The following NBEA variants were observed in gnomAD, a reference collection of about 807,000 sequenced individuals.
NBEA encodes neurobeachin.
A neutral mutation model predicts 343.4 loss-of-function variants in NBEA; 44 were observed. That is an observed-to-expected ratio of 0.13 (90% CI 0.10 to 0.16). NBEA has a LOEUF of 0.16. NBEA is among the 10% of genes least tolerant of loss of function. NBEA has a pLI of 1.00. For missense variants in NBEA, 2,555 were observed against 3,631.3 expected, an observed-to-expected ratio of 0.70 and a Z score of 7.62; for synonymous variants, 1,175 against 1,238.7, an observed-to-expected ratio of 0.95 and a Z score of 1.08.
intron 41 of NBEA, among the ~76,000 whole-genome samples, chr13:35,487,068 C>T (rs924033306): frequency 2.6e-5 from 4 of 151,778 alleles, no homozygotes; most frequent in Non-Finnish European, 5.9e-5. Context: ...GTGAGCTATA[C>T]CACCCACAAT....
chr13:35,093,808 T>G (rs1044720009), intron 10 of NBEA, among the ~76,000 whole-genome samples: 1 of 151,964 alleles, frequency 6.6e-6, no homozygotes, highest in African/African-American at 2.4e-5. Context: ...CTACAACATT[T>G]AGTGCACTGT....
chr13:35,410,755 A>G (rs1008164086), intron 38 of NBEA, among the ~76,000 whole-genome samples: 11 of 152,162 alleles, frequency 7.2e-5, no homozygotes, highest in Non-Finnish European at 1.6e-4. Flanking sequence ...TTTTAAGATT[A>G]GGAAACAAAA....
intron 41 of NBEA, among the ~76,000 whole-genome samples, chr13:35,484,234 A>ATGTG (rs397851790): frequency 0.016 from 2,049 of 124,772 alleles, 17 homozygotes; most frequent in East Asian, 0.045. Context: ...CTACATTAAT[A>ATGTG]TGTGTGTGTG....
intron 39 of NBEA, among the ~76,000 whole-genome samples, chr13:35,449,413 T>C (rs973922510): frequency 6.6e-6 from 1 of 152,156 alleles, no homozygotes; most frequent in African/African-American, 2.4e-5. Context: ...TCTGCTAAAG[T>C]ACATGGTTGG....
intron 41 of NBEA, among the ~76,000 whole-genome samples, chr13:35,499,457 A>T (rs1446223956): frequency 6.6e-6 from 1 of 152,012 alleles, no homozygotes; most frequent in Non-Finnish European, 1.5e-5. Flanking sequence ...TCTCTTGATC[A>T]TGTTCAGCTG....
At chr13:35,347,683 C>T (rs989802580) in intron 36 of NBEA, among the ~76,000 whole-genome samples, 1 of 151,978 alleles carries the variant, frequency 6.6e-6, no homozygotes, top group African/African-American at 2.4e-5. Context: ...CTTCCTCCTC[C>T]TCCTCTTCCT....
intron 38 of NBEA, among the ~76,000 whole-genome samples, chr13:35,362,393 C>G (rs1408110425): frequency 6.6e-6 from 1 of 151,704 alleles, no homozygotes; most frequent in Admixed American, 6.6e-5. Context: ...ATTAAATTTA[C>G]CATTCTCTAA....
chr13:35,483,929 A>C (rs4943304), intron 41 of NBEA, among the ~76,000 whole-genome samples: 7,439 of 151,966 alleles, frequency 0.049, 433 homozygotes, highest in East Asian at 0.2. Flanking sequence ...GCCTCTATAC[A>C]TTTTCCGTAT....
At chr13:35,274,300 A>T (rs1329527553) in intron 34 of NBEA, among the ~76,000 whole-genome samples, 1 of 152,230 alleles carries the variant, frequency 6.6e-6, no homozygotes, top group African/African-American at 2.4e-5. Context: ...AAGGCCGTTA[A>T]CAAAATTCAA....
chr13:35,252,103 T>C (rs2032046738), intron 34 of NBEA, among the ~76,000 whole-genome samples: 1 of 152,106 alleles, frequency 6.6e-6, no homozygotes, highest in African/African-American at 2.4e-5. Context: ...GACTGGGTAG[T>C]TCATAAAGGA....
intron 33 of NBEA, among the ~76,000 whole-genome samples, chr13:35,227,437 C>T (rs535515768): frequency 6.6e-6 from 1 of 151,926 alleles, no homozygotes; most frequent in South Asian, 2.1e-4. Flanking sequence ...CTGTGTTTAC[C>T]TAAACCCAAT....
intron 48 of NBEA, among the ~76,000 whole-genome samples, chr13:35,616,221 G>C (rs531071193): frequency 1.3e-5 from 2 of 152,146 alleles, no homozygotes; most frequent in East Asian, 3.9e-4. Flanking sequence ...GTGTCCCCTT[G>C]TTCCGTCTTA....
chr13:35,113,455 C>G (rs113607781), intron 13 of NBEA, among the ~76,000 whole-genome samples: 7,056 of 152,056 alleles, frequency 0.046, 248 homozygotes, highest in Admixed American at 0.11. Context: ...AAAGTTTCAC[C>G]TACTTGTTTT....
intron 31 of NBEA, among the ~76,000 whole-genome samples, chr13:35,203,748 T>C (rs1187128097): frequency 2.0e-5 from 3 of 152,180 alleles, no homozygotes; most frequent in African/African-American, 7.2e-5. Context: ...TAAAATCATA[T>C]AATCAATTAA....
intron 38 of NBEA, among the ~76,000 whole-genome samples, chr13:35,383,016 C>A (rs895456155): frequency 6.6e-6 from 1 of 152,114 alleles, no homozygotes; most frequent in African/African-American, 2.4e-5. Flanking sequence ...AGTTGCTTTT[C>A]CCTCTGTCCT....
intron 18 of NBEA, among the ~76,000 whole-genome samples, chr13:35,151,114 T>TAAA (rs11450264): frequency 1.5e-5 from 2 of 134,786 alleles, no homozygotes; most frequent in South Asian, 2.5e-4. Context: ...ACACTGGCTC[T>TAAA]AAAAAAAAAA....
intron 48 of NBEA, among the ~76,000 whole-genome samples, chr13:35,626,121 A>T (rs1177803763): frequency 6.6e-6 from 1 of 152,204 alleles, no homozygotes; most frequent in Non-Finnish European, 1.5e-5. Context: ...GTAGATTTTT[A>T]AAATAATACT....
At chr13:34,951,384 A>T (rs960148276) in intron 1 of NBEA, among the ~76,000 whole-genome samples, 3 of 152,250 alleles carry the variant, frequency 2.0e-5, no homozygotes, top group African/African-American at 7.2e-5. Context: ...GGGTTAATAT[A>T]TGTAAAGTGC....
intron 22 of NBEA, 107 bp downstream of exon 22, chr13:35,160,139 T>A: frequency 9.7e-7 from 1 of 1,028,078 alleles, no homozygotes; most frequent in Non-Finnish European, 1.4e-6. Flanking sequence ...TATATTGAAT[T>A]ATAGTATAAT....
Sources: gnomAD v4.1 joint callset for allele counts (sites outside exome capture counted in the v4.1 genomes callset) on GRCh38, gnomAD v4.1.1 for gene constraint, MANE v1.5 for transcripts, NCBI Gene and HGNC (gene_info 2026-07-23, HGNC 2026-07-21) for gene names.